Variants in LMBR1 observed in about 807,000 individuals in gnomAD.
LMBR1 encodes limb development membrane protein 1.
A neutral mutation model predicts 73.9 loss-of-function variants in LMBR1; 52 were observed. That is an observed-to-expected ratio of 0.70 (90% CI 0.56 to 0.89). The LOEUF (loss-of-function observed/expected upper bound fraction) is 0.89. Ranked by LOEUF, LMBR1 falls within the 40% of genes least tolerant of loss-of-function variation. LMBR1 has a pLI of 0.00. For synonymous variants in LMBR1, 215 were observed against 209.4 expected (o/e 1.03, Z -0.23); for missense variants, 539 against 579.8 (o/e 0.93, Z 0.72).
At chr7:156,869,096 T>TTAA (rs1465876797) in intron 1 of LMBR1, among the ~76,000 whole-genome samples, 2 of 152,224 alleles carry the variant, frequency 1.3e-5, no homozygotes, top group Non-Finnish European at 2.9e-5. Flanking sequence ...CTAAAAATTA[T>TTAA]TTTATTAAGT....
rs576134918 is a variant in LMBR1, at chr7:156,685,766, G to A, written c.1388-1603C>T. 2.6e-5 allele frequency among the ~76,000 whole-genome samples: 4 copies of A among 152,344 alleles called. No individual in the cohort carries two copies. Among genetic ancestry groups the A allele is most frequent in the African/African-American group, 9.6e-5 (4 of 41,576 alleles). Reference sequence around the variant, plus strand: ...ACAGCAGCACTTCCACAGGGCAGATGTTGAGAAAATACTTTTCACGAAGCT... The same window carrying A: ...ACAGCAGCACTTCCACAGGGCAGATATTGAGAAAATACTTTTCACGAAGCT... On this transcript the variant is annotated intron_variant, in intron 16 of 16. Transcript: ENST00000353442. This position sits in a 1 kb window ranked among gnomAD's most constrained non-coding sequence, Gnocchi z 4.1.
Position 156,825,508 on chromosome 7 carries a change from A to G in LMBR1, c.319+1097T>C, listed in dbSNP as rs182374410. ...GTTTACCCTGATGTGAGTCTTTTGC[A>G]TTGCATGCCTTTAATATATACACCA... On this transcript the variant is annotated intron_variant, in intron 4 of 16. Transcript: ENST00000353442. 7.2e-5 allele frequency among the ~76,000 whole-genome samples: 11 copies of G among 152,318 alleles called. No individual in the cohort carries two copies. In the East Asian group the frequency reaches 2.1e-3, roughly 29 times the overall value.
At chr7:156,846,906 T>C (rs1047692619) in intron 1 of LMBR1, among the ~76,000 whole-genome samples, 33 of 152,236 alleles carry the variant, frequency 2.2e-4, no homozygotes, top group African/African-American at 6.5e-4. Context: ...TTTTGATCAT[T>C]ACACAATGTA....
intron 15 of LMBR1, among the ~76,000 whole-genome samples, chr7:156,689,309 ATAAG>A (rs371422549): frequency 6.6e-6 from 1 of 152,196 alleles, no homozygotes; most frequent in African/African-American, 2.4e-5. Context: ...AAGAATTAGA[ATAAG>A]TAATAACAAT....
chr7:156,727,832 A>C, intron 12 of LMBR1, 98 bp downstream of exon 12: 1 of 732,384 alleles, frequency 1.4e-6, no homozygotes, highest in Non-Finnish European at 2.3e-6. Flanking sequence ...ATATACATGC[A>C]CAAAGGTGAA....
chr7:156,889,655 AC>A (rs1802550657), intron 1 of LMBR1, among the ~76,000 whole-genome samples: 1 of 152,196 alleles, frequency 6.6e-6, no homozygotes, highest in Admixed American at 6.6e-5. Context: ...CATAATCGGT[AC>A]CAAAACCGTT....
At chr7:156,699,093 A>G (rs1312666112) in intron 15 of LMBR1, among the ~76,000 whole-genome samples, 1 of 152,224 alleles carries the variant, frequency 6.6e-6, no homozygotes, top group Non-Finnish European at 1.5e-5. Context: ...TCTGAAGTTG[A>G]AAGTTCCACA....
chr7:156,699,943 T>C (rs1373892258), intron 15 of LMBR1, among the ~76,000 whole-genome samples: 26 of 152,188 alleles, frequency 1.7e-4, no homozygotes, highest in Admixed American at 1.6e-3. Context: ...AACACTTTTA[T>C]ACTGTTGGTG....
At chr7:156,798,214 T>G (rs192490417) in intron 4 of LMBR1, among the ~76,000 whole-genome samples, 25 of 152,308 alleles carry the variant, frequency 1.6e-4, no homozygotes, top group African/African-American at 4.1e-4. Flanking sequence ...TGGTAAGCAT[T>G]AAATAATGCA....
chr7:156,774,696 G>A (rs781530573), intron 5 of LMBR1, among the ~76,000 whole-genome samples: 9 of 152,072 alleles, frequency 5.9e-5, no homozygotes, highest in African/African-American at 1.9e-4. Flanking sequence ...GCCGGGCGTG[G>A]TGGCGGGCAC....
chr7:156,837,047 G>A (rs543526668), intron 1 of LMBR1, among the ~76,000 whole-genome samples, 162 bp from the exon 2 acceptor site: 20 of 152,096 alleles, frequency 1.3e-4, no homozygotes, highest in Admixed American at 3.9e-4. Flanking sequence ...ACATAGGCTG[G>A]GCATGGTGGC....
At chr7:156,840,484 A>G (rs1012748102) in intron 1 of LMBR1, among the ~76,000 whole-genome samples, 11 of 152,032 alleles carry the variant, frequency 7.2e-5, no homozygotes, top group African/African-American at 2.7e-4. Context: ...TCAAACAATG[A>G]GTGGGCAGAA....
In LMBR1 at chr7:156,819,208, C is replaced by T. The variant is rs184933001; in HGVS notation, c.319+7397G>A. On this transcript the variant is annotated intron_variant, in intron 4 of 16. Coordinates refer to ENST00000353442, the MANE Select transcript of LMBR1 (RefSeq NM_022458.4). ...ATTCTTGCCCAGAAAAGTAAAGTAG[C>T]ATTCCAAGGTAATATGGTTAACACA... is the stretch of plus-strand genomic sequence containing the variant. Among the ~76,000 whole-genome samples, 210 of 152,330 alleles carry T rather than the reference C, an allele frequency of 1.4e-3. 1 individual carries two copies. The highest frequency in any genetic ancestry group is 4.2e-3 in the African/African-American group (175 of 41,572).
At chr7:156,779,785 G>C in intron 5 of LMBR1, 1 of 864,724 alleles carries the variant, frequency 1.2e-6, no homozygotes, top group Non-Finnish European at 1.6e-6. Context: ...CCATTAGGAA[G>C]CCTGGGAAAA....
intron 12 of LMBR1, among the ~76,000 whole-genome samples, chr7:156,727,035 TG>T (rs1815916817): frequency 6.6e-6 from 1 of 152,246 alleles, no homozygotes; most frequent in South Asian, 2.1e-4. Flanking sequence ...TCTTTATTTC[TG>T]AAGACCCCTG....
At chr7:156,842,468 C>T (rs936880530) in intron 1 of LMBR1, among the ~76,000 whole-genome samples, 3 of 152,130 alleles carry the variant, frequency 2.0e-5, no homozygotes, top group Admixed American at 2.0e-4. Flanking sequence ...AGTGACCTTG[C>T]AGCTGCGCAG....
chr7:156,851,688 A>G (rs1411705638), intron 1 of LMBR1, among the ~76,000 whole-genome samples: 1 of 152,208 alleles, frequency 6.6e-6, no homozygotes, highest in Non-Finnish European at 1.5e-5. Context: ...ACATAAAAAC[A>G]GTAAACACAT....
chr7:156,781,148 T>C (rs2133188481), intron 5 of LMBR1, among the ~76,000 whole-genome samples: 1 of 152,310 alleles, frequency 6.6e-6, no homozygotes, highest in African/African-American at 2.4e-5. Flanking sequence ...GAAAGATCAT[T>C]AGCATTATTA....
chr7:156,700,898 A>G (rs989704867), intron 15 of LMBR1, among the ~76,000 whole-genome samples: 9 of 152,134 alleles, frequency 5.9e-5, no homozygotes, highest in African/African-American at 2.2e-4. Flanking sequence ...GGTTTAATGG[A>G]CTCATGGTTG....
Sources: gnomAD v4.1 joint callset for allele counts (sites outside exome capture counted in the v4.1 genomes callset) on GRCh38, gnomAD v4.1.1 for gene constraint, Gnocchi (gnomAD v3.1) non-coding constraint, MANE v1.5 for transcripts, NCBI Gene and HGNC (gene_info 2026-07-23, HGNC 2026-07-21) for gene names.